SHISA9: variants seen among roughly 807,000 people sequenced by gnomAD.
SHISA9 encodes shisa family member 9.
SHISA9 carries 13 observed loss-of-function variants against 38.0 expected under a neutral mutation model. The observed-to-expected ratio is 0.34, with a 90% CI of 0.22 to 0.54. The LOEUF is 0.54. SHISA9 is among the 20% of genes least tolerant of loss of function. The pLI is 0.91. For missense variants in SHISA9, 538 were observed against 575.8 expected (o/e 0.93, Z 0.67); for synonymous variants, 275 against 242.0 (o/e 1.14, Z -1.27).
intron 2 of SHISA9, among the ~76,000 whole-genome samples, chr16:13,004,338 A>T (rs2072568058): frequency 6.6e-6 from 1 of 152,202 alleles, no homozygotes; most frequent in African/African-American, 2.4e-5. Flanking sequence ...TGAGGGCCAG[A>T]TCAGTGTGTT....
chr16:13,018,376 C>A (rs1291102709), intron 2 of SHISA9, among the ~76,000 whole-genome samples: 1 of 152,198 alleles, frequency 6.6e-6, no homozygotes, highest in Non-Finnish European at 1.5e-5. Flanking sequence ...CCAGTGAAGA[C>A]CAGCTTTTTG....
At chr16:13,256,434 A>G in the SHISA9 span, among the ~76,000 whole-genome samples, 1 of 152,182 alleles carries the variant, frequency 6.6e-6, no homozygotes, top group Non-Finnish European at 1.5e-5. Flanking sequence ...GGCACGGGCC[A>G]CCATGCCCCA....
intron 2 of SHISA9, among the ~76,000 whole-genome samples, chr16:13,037,790 C>G (rs1474052742): frequency 6.6e-6 from 1 of 152,148 alleles, no homozygotes; most frequent in Non-Finnish European, 1.5e-5. Flanking sequence ...TACCTTCTCT[C>G]AAATGGGCTA....
chr16:13,446,909 G>C, the SHISA9 span, among the ~76,000 whole-genome samples: 1 of 151,562 alleles, frequency 6.6e-6, no homozygotes, highest in Non-Finnish European at 1.5e-5. Flanking sequence ...GAACCTGGGA[G>C]GTGAAGGTTG....
chr16:13,245,517 C>T, the SHISA9 span, among the ~76,000 whole-genome samples: 697 of 152,232 alleles, frequency 4.6e-3, 6 homozygotes, highest in African/African-American at 0.015. Flanking sequence ...TGCTTAACAC[C>T]TAGTAAACAT....
intron 2 of SHISA9, among the ~76,000 whole-genome samples, chr16:13,034,358 C>T (rs1162897809): frequency 2.6e-5 from 4 of 152,100 alleles, no homozygotes; most frequent in African/African-American, 9.7e-5. Context: ...CCTCCTGGCC[C>T]AGCTAGACTT....
At chr16:13,104,845 A>G (rs2073911190) in intron 2 of SHISA9, among the ~76,000 whole-genome samples, 1 of 152,212 alleles carries the variant, frequency 6.6e-6, no homozygotes, top group Admixed American at 6.5e-5. Context: ...TGGTATGCAA[A>G]TTACATATCA....
intron 2 of SHISA9, among the ~76,000 whole-genome samples, chr16:13,024,366 C>G (rs2072895196): frequency 6.6e-6 from 1 of 152,238 alleles, no homozygotes; most frequent in African/African-American, 2.4e-5. Flanking sequence ...CCTTTGGCAG[C>G]TGGAGCCCAG....
At chr16:12,958,015 A>T (rs2071859528) in intron 2 of SHISA9, among the ~76,000 whole-genome samples, 1 of 152,242 alleles carries the variant, frequency 6.6e-6, no homozygotes, top group African/African-American at 2.4e-5. Context: ...GGGCTTCAAT[A>T]TATGAATTTG....
chr16:12,986,868 G>C (rs1271601569), intron 2 of SHISA9, among the ~76,000 whole-genome samples: 1 of 152,264 alleles, frequency 6.6e-6, no homozygotes, highest in Non-Finnish European at 1.5e-5. Context: ...TGGTTTGCAA[G>C]ATCTGGAGTT....
the SHISA9 span, among the ~76,000 whole-genome samples, chr16:13,380,202 A>C: frequency 2.0e-5 from 3 of 152,192 alleles, no homozygotes; most frequent in African/African-American, 7.2e-5. Flanking sequence ...AAATTATCAA[A>C]GAAAAAATAA....
At chr16:13,195,275 A>G (rs140529745) in intron 2 of SHISA9, among the ~76,000 whole-genome samples, 1,878 of 152,330 alleles carry the variant, frequency 0.012, 36 homozygotes, top group African/African-American at 0.043. Flanking sequence ...AGAAAGTTTA[A>G]AAATGAGGGG....
chr16:13,517,429 T>C, the SHISA9 span, among the ~76,000 whole-genome samples: 1 of 152,184 alleles, frequency 6.6e-6, no homozygotes, highest in East Asian at 1.9e-4. Flanking sequence ...ATGTGCACAT[T>C]ATAACCAGGT....
At chr16:13,405,462 ATTTG>A in the SHISA9 span, among the ~76,000 whole-genome samples, 1 of 152,180 alleles carries the variant, frequency 6.6e-6, no homozygotes, top group Non-Finnish European at 1.5e-5. Context: ...ACTGGAAGAC[ATTTG>A]TTTGTTAGTT....
intron 2 of SHISA9, among the ~76,000 whole-genome samples, chr16:12,985,114 G>A (rs1291515279): frequency 6.6e-6 from 1 of 151,972 alleles, no homozygotes; most frequent in East Asian, 1.9e-4. Flanking sequence ...CCTCATCTCA[G>A]GATCTGCTTC....
At chr16:13,338,450 A>T in the SHISA9 span, among the ~76,000 whole-genome samples, 2 of 152,284 alleles carry the variant, frequency 1.3e-5, no homozygotes, top group East Asian at 3.9e-4. Flanking sequence ...AAGTGGCTGG[A>T]AAAGAGTATG....
the SHISA9 span, among the ~76,000 whole-genome samples, chr16:13,360,783 G>A: frequency 6.6e-6 from 1 of 152,198 alleles, no homozygotes. Context: ...CCTGCAACCA[G>A]TGGGTGATGG....
chr16:13,284,647 G>C, the SHISA9 span, among the ~76,000 whole-genome samples: 1 of 152,066 alleles, frequency 6.6e-6, no homozygotes, highest in African/African-American at 2.4e-5. Flanking sequence ...ACCCAGGCTC[G>C]AATGCAGCAG....
intron 2 of SHISA9, among the ~76,000 whole-genome samples, chr16:12,930,797 T>G (rs997162095): frequency 6.6e-6 from 1 of 152,210 alleles, no homozygotes; most frequent in Non-Finnish European, 1.5e-5. Flanking sequence ...CATTTAACTA[T>G]TATTTTTAAA....
Sources: gnomAD v4.1 joint callset for allele counts (sites outside exome capture counted in the v4.1 genomes callset) on GRCh38, gnomAD v4.1.1 for gene constraint, MANE v1.5 for transcripts, NCBI Gene and HGNC (gene_info 2026-07-23, HGNC 2026-07-21) for gene names.